TEX48: variants seen among roughly 807,000 people sequenced by gnomAD.
TEX48 encodes testis-expressed protein 48.
Under a neutral mutation model 13.2 loss-of-function variants are expected in TEX48, and 10 were observed. The ratio of observed to expected loss-of-function variants is 0.75; its 90% CI spans 0.47 to 1.28. The LOEUF (loss-of-function observed/expected upper bound fraction) is 1.28. Among genes scored for constraint, TEX48 ranks in the 50% most tolerant of loss-of-function variants. The pLI, the probability that TEX48 is intolerant of heterozygous loss-of-function variation, is 0.00. For missense variants in TEX48, 116 were observed against 139.4 expected (o/e 0.83, Z 0.84); for synonymous variants, 45 against 52.3 (o/e 0.86, Z 0.60).
intron 3 of TEX48, among the ~76,000 whole-genome samples, chr9:114,669,346 A>T (rs192360535): frequency 6.6e-5 from 10 of 152,062 alleles, no homozygotes; most frequent in African/African-American, 2.4e-4. Flanking sequence ...TGGTGCAATC[A>T]TGACTTACTG....
intron 1 of TEX48, among the ~76,000 whole-genome samples, chr9:114,677,214 A>G (rs1315014024): frequency 6.1e-5 from 9 of 148,280 alleles, no homozygotes; most frequent in Non-Finnish European, 1.2e-4. Context: ...AGTCTTTTGG[A>G]TCTGCTGCCA....
chr9:114,674,602 T>TTTCCTTCCTTCC (rs770645165), intron 1 of TEX48, among the ~76,000 whole-genome samples: 20 of 54,440 alleles, frequency 3.7e-4, no homozygotes, highest in East Asian at 9.3e-4. Context: ...TCTCTTTTTC[T>TTTCCTTCCTTCC]TTCCTTCCTT....
At chr9:114,666,773 C>T in intron 4 of TEX48, 27 bp from the exon 5 acceptor site, 4 of 1,207,370 alleles carry the variant, frequency 3.3e-6, no homozygotes, top group Non-Finnish European at 4.7e-6. Context: ...AAAAATTATG[C>T]TGGGTGAAGG....
At chr9:114,675,417 T>G (rs2133764294) in intron 1 of TEX48, among the ~76,000 whole-genome samples, 1 of 152,320 alleles carries the variant, frequency 6.6e-6, no homozygotes, top group East Asian at 1.9e-4. Flanking sequence ...TGTTCCCTAT[T>G]TCGTGGGATG....
At chr9:114,677,976 T>C (rs1320930481) in intron 1 of TEX48, among the ~76,000 whole-genome samples, 1 of 152,088 alleles carries the variant, frequency 6.6e-6, no homozygotes, top group Non-Finnish European at 1.5e-5. Flanking sequence ...ACTCTCACTA[T>C]AGGTACTCTC....
rs1011210041 is a variant in TEX48, at chr9:114,674,561, CT to C, written c.-104-2735del. ...TCTTCTTTCTTTCTCTCTTTTTCTT[CT>C]TTTTTTCTTTTCTTTCTTTTTTTCT... On this transcript the variant is annotated intron_variant, in intron 1 of 4. Transcript: ENST00000436752. Among the ~76,000 whole-genome samples the C allele has an allele frequency of 6.0e-4, 86 of 143,622 alleles. 1 individual carries two copies. The highest frequency in any genetic ancestry group is 3.5e-3 in the Middle Eastern group (1 of 288). 94.2% of individuals were successfully genotyped at this position (143,622 alleles called of 152,430 possible).
rs1450170290 is a variant in TEX48, at chr9:114,671,371, T to C, written c.127+12A>G. On this transcript the variant is annotated intron_variant, in intron 3 of 4. Transcript: ENST00000436752. ...AGAGAGGCCATGCAGAGTGTCCTTATCTGATACCTACTTTGGGTCGATGGC... is the reference window on the plus strand; with the variant it reads ...AGAGAGGCCATGCAGAGTGTCCTTACCTGATACCTACTTTGGGTCGATGGC... The C allele has an allele frequency of 6.5e-7, 1 of 1,535,050 alleles. No individual in the cohort carries two copies. Among genetic ancestry groups the C allele is most frequent in the Non-Finnish European group, 8.7e-7 (1 of 1,146,578 alleles).
intron 1 of TEX48, among the ~76,000 whole-genome samples, chr9:114,676,853 T>C (rs1390952712): frequency 6.6e-6 from 1 of 152,104 alleles, no homozygotes; most frequent in Non-Finnish European, 1.5e-5. Flanking sequence ...CCTGACCTAG[T>C]GATCTGCCCA....
intron 1 of TEX48, among the ~76,000 whole-genome samples, chr9:114,674,254 A>G (rs1399748396): frequency 6.6e-6 from 1 of 151,694 alleles, no homozygotes; most frequent in Non-Finnish European, 1.5e-5. Flanking sequence ...CTCATCACCA[A>G]CTCTGTCTTC....
chr9:114,666,871 G>T, intron 4 of TEX48, 125 bp from the exon 5 acceptor site: 1 of 606,094 alleles, frequency 1.6e-6, no homozygotes, highest in Non-Finnish European at 2.9e-6. Context: ...AGGGACCCAA[G>T]GCAGACCCTA....
At chr9:114,673,066 C>T (rs1827978512) in intron 1 of TEX48, among the ~76,000 whole-genome samples, 1 of 152,106 alleles carries the variant, frequency 6.6e-6, no homozygotes, top group South Asian at 2.1e-4. Flanking sequence ...CGTTACTGGA[C>T]TCTCAGAAGG....
chr9:114,671,783 A>G lies in TEX48; in HGVS notation c.-60T>C, dbSNP rs1827953322. 1 of 1,531,502 alleles carries G rather than the reference A, an allele frequency of 6.5e-7. No individual in the cohort carries two copies. Among genetic ancestry groups the G allele is most frequent in the Non-Finnish European group, 8.7e-7 (1 of 1,143,254 alleles). 94.9% of individuals were successfully genotyped at this position (1,531,502 alleles called of 1,614,324 possible). On this transcript the variant is annotated 5_prime_UTR_variant, in exon 2 of 5. Coordinates refer to ENST00000436752, the MANE Select transcript of TEX48 (RefSeq NM_001199233.2). The stretch of plus-strand genomic sequence containing the variant: ...GTCTGCAGGGGTGCCTTGTTGAATC[A>G]GCCAGTCTTGAGTTTGAGCCCAGTT...
intron 4 of TEX48, among the ~76,000 whole-genome samples, chr9:114,666,990 G>T (rs1827853560): frequency 6.6e-6 from 1 of 152,174 alleles, no homozygotes; most frequent in Non-Finnish European, 1.5e-5. Flanking sequence ...AAAGCACAGT[G>T]ATATGGAAGG....
At chr9:114,676,667 A>G (rs1445679367) in intron 1 of TEX48, among the ~76,000 whole-genome samples, 6 of 148,416 alleles carry the variant, frequency 4.0e-5, no homozygotes, top group African/African-American at 1.5e-4. Flanking sequence ...CCCAGGCTGG[A>G]GTACAGTGGC....
chr9:114,679,903 C>A (rs777698541), intron 1 of TEX48, among the ~76,000 whole-genome samples: 1 of 152,100 alleles, frequency 6.6e-6, no homozygotes, highest in African/African-American at 2.4e-5. Context: ...ATCACAGAAA[C>A]CTTCGGGTTT....
At chr9:114,680,426 C>T (rs1828172319) in intron 1 of TEX48, among the ~76,000 whole-genome samples, 1 of 152,112 alleles carries the variant, frequency 6.6e-6, no homozygotes, top group African/African-American at 2.4e-5. Context: ...TGTGCCTGGC[C>T]TTAATTATCA....
chr9:114,673,886 G>C (rs139247129), intron 1 of TEX48, among the ~76,000 whole-genome samples: 1 of 151,590 alleles, frequency 6.6e-6, no homozygotes, highest in African/African-American at 2.4e-5. Flanking sequence ...GCTCACTGCA[G>C]CCTCAAACTC....
intron 1 of TEX48, among the ~76,000 whole-genome samples, chr9:114,678,579 G>A (rs1327124284): frequency 6.6e-6 from 1 of 152,190 alleles, no homozygotes; most frequent in Non-Finnish European, 1.5e-5. Flanking sequence ...GCCAGGCACA[G>A]TGGCTCACAC....
In TEX48 at chr9:114,674,577, TC is replaced by T. The variant is rs1248947732; in HGVS notation, c.-104-2751del. 1.9e-4 allele frequency among the ~76,000 whole-genome samples: 13 copies of T among 69,092 alleles called. No homozygotes were observed. In the South Asian group the frequency reaches 2.9e-3, roughly 15 times the overall value. 45.3% of individuals were successfully genotyped at this position (69,092 alleles called of 152,430 possible). Reference sequence around the variant, plus strand: ...CTTTTTCTTCTTTTTTTCTTTTCTTTCTTTTTTTCTCTTTTCTCTTTTTCTT... The same window carrying T: ...CTTTTTCTTCTTTTTTTCTTTTCTTTTTTTTTTCTCTTTTCTCTTTTTCTT... On this transcript the variant is annotated intron_variant, in intron 1 of 4. Coordinates refer to ENST00000436752, the MANE Select transcript of TEX48 (RefSeq NM_001199233.2).
Sources: allele counts gnomAD v4.1 joint callset (sites outside exome capture counted in the v4.1 genomes callset), GRCh38; gene constraint gnomAD v4.1.1; transcripts MANE v1.5; gene names NCBI Gene and HGNC (gene_info 2026-07-23, HGNC 2026-07-21).